The following SMARCD1 variants were observed in gnomAD, a reference collection of about 807,000 sequenced individuals.
SMARCD1 encodes SWI/SNF related BAF chromatin remodeling complex subunit D1, also known as SWI/SNF-related matrix-associated actin-dependent regulator of chromatin subfamily D member 1.
A neutral mutation model predicts 70.8 loss-of-function variants in SMARCD1; 16 were observed. The observed-to-expected ratio is 0.23, with a 90% CI of 0.15 to 0.34. SMARCD1 has a LOEUF of 0.34. SMARCD1 is among the 10% of genes least tolerant of loss of function. The pLI is 1.00. For missense variants in SMARCD1, 409 were observed against 655.5 expected (o/e 0.62, Z 4.11); for synonymous variants, 249 against 246.0 (o/e 1.01, Z -0.11).
In SMARCD1 at chr12:50,092,235, C is replaced by CTTTTTTT. The variant is rs60619880; in HGVS notation, c.1133+1661_1133+1667dup. Among the ~76,000 whole-genome samples, 219 of 91,140 alleles carry CTTTTTTT rather than the reference C, an allele frequency of 2.4e-3. 1 individual carries two copies. Among genetic ancestry groups the CTTTTTTT allele is most frequent in the African/African-American group, 4.2e-3 (95 of 22,614 alleles). 59.8% of individuals were successfully genotyped at this position (91,140 alleles called of 152,430 possible). A position where few individuals can be genotyped will look rare whatever the true frequency, so the allele number is the denominator to read the frequency against. On this transcript the variant is annotated intron_variant, in intron 9 of 12. Coordinates refer to ENST00000394963, the MANE Select transcript of SMARCD1 (RefSeq NM_003076.5). ...TTCTTTTCTTTTCTTTTCTTTCTTTCTTTTTTTTTTTTTTTTTTTTTTGAG... is the reference window on the plus strand; with the variant it reads ...TTCTTTTCTTTTCTTTTCTTTCTTTCTTTTTTTTTTTTTTTTTTTTTTTTTTTTTGAG...
Position 50,088,605 on chromosome 12 carries a change from G to C in SMARCD1, c.739G>C (p.Asp247His). Residue 247 changes from aspartate to histidine, a missense_variant, in exon 6 of 13, where the codon GAC becomes CAC. By Grantham distance (81) the Asp-to-His change is moderately conservative (BLOSUM62 -1). Coordinates refer to ENST00000394963, the MANE Select transcript of SMARCD1 (RefSeq NM_003076.5). ...FKSLVIELDK[D>H]LYGPDNHLVE... is the part of the protein sequence containing the mutation. ...GTCCTTGGTGATTGAACTGGACAAA[G>C]ACCTGTATGGGCCAGACAACCATCT... 1 of 1,607,988 alleles carries C rather than the reference G, an allele frequency of 6.2e-7. No homozygotes were observed. The highest frequency in any genetic ancestry group is 8.5e-7 in the Non-Finnish European group (1 of 1,175,110).
At chr12:50,086,421 C>A in intron 2 of SMARCD1, 73 bp downstream of exon 2, 1 of 1,365,380 alleles carries the variant, frequency 7.3e-7, no homozygotes. Context: ...GTACCTGAAC[C>A]AAGAAGTGGT....
intron 10 of SMARCD1, 23 bp from the exon 11 acceptor site, chr12:50,096,827 A>G (rs1431515744): frequency 2.5e-6 from 4 of 1,589,236 alleles, no homozygotes; most frequent in East Asian, 2.3e-5. Context: ...TGAAAATGGT[A>G]TGAGCTTCGT....
intron 11 of SMARCD1, among the ~76,000 whole-genome samples, chr12:50,098,088 G>A (rs989691553): frequency 3.3e-5 from 5 of 152,068 alleles, no homozygotes; most frequent in Admixed American, 6.5e-5. Flanking sequence ...GAACTCATCC[G>A]TTGTCACCCC....
chr12:50,090,415 C>T lies in SMARCD1; in HGVS notation c.1035+13C>T. On this transcript the variant is annotated intron_variant, in intron 8 of 12. Transcript: ENST00000394963. The stretch of plus-strand genomic sequence containing the variant: ...GTACCTGCAGCAGGTAAGTAATGGA[C>T]CCATTCTTTTGCTAGAATCCATTAG... 1 of 1,613,532 alleles carries T rather than the reference C, an allele frequency of 6.2e-7. No homozygotes were observed. The highest frequency in any genetic ancestry group is 8.5e-7 in the Non-Finnish European group (1 of 1,179,584).
At position 50,099,552 on chromosome 12, in the gene SMARCD1, C is replaced by T. The variant is rs1326677880; in HGVS notation, c.*552C>T. 6 of 383,130 alleles carry T rather than the reference C, an allele frequency of 1.6e-5. No homozygotes were observed. Among genetic ancestry groups the T allele is most frequent in the Non-Finnish European group, 2.8e-5 (6 of 216,366 alleles). 23.7% of individuals were successfully genotyped at this position (383,130 alleles called of 1,614,324 possible). A position where few individuals can be genotyped will look rare whatever the true frequency, so the allele number is the denominator to read the frequency against. ...CTACAGAAACCCTGGTTCTTGGGCT[C>T]CACTGAGCCCCAGGTCAGTCCCCAG... is the stretch of plus-strand genomic sequence containing the variant. On this transcript the variant is annotated 3_prime_UTR_variant, in exon 13 of 13. Transcript: ENST00000394963.
At chr12:50,088,706 T>A in intron 6 of SMARCD1, 69 bp downstream of exon 6, 1 of 852,616 alleles carries the variant, frequency 1.2e-6, no homozygotes. Flanking sequence ...CGTATTTTAA[T>A]GTCTAAGGAG....
intron 8 of SMARCD1, 37 bp from the exon 9 acceptor site, chr12:50,090,456 C>G: frequency 3.1e-6 from 5 of 1,612,942 alleles, no homozygotes; most frequent in Non-Finnish European, 4.2e-6. Context: ...TAGTTATGCT[C>G]AAACTGCTAA....
chr12:50,090,680 A>G (rs978368076), intron 9 of SMARCD1, 90 bp downstream of exon 9: 59 of 879,758 alleles, frequency 6.7e-5, no homozygotes, highest in Non-Finnish European at 1.0e-4. Context: ...GAATTTTGCA[A>G]ACAGGTTGTT....
In SMARCD1 at chr12:50,090,289, C is replaced by T; in HGVS notation, c.922C>T (p.His308Tyr). Residue 308 changes from histidine (H) to tyrosine (Y), a missense_variant, in exon 8 of 13, where the codon CAT becomes TAT. Transcript: ENST00000394963. ...DPRLARLLGIHTQTRPVIIQA... is the reference protein window; with the variant it reads ...DPRLARLLGIYTQTRPVIIQA... ...CCGCCTAGCTCGACTCCTGGGCATC[C>T]ATACCCAGACTCGTCCAGTGATCAT... 1 of 1,614,136 alleles carries T rather than the reference C, an allele frequency of 6.2e-7. No homozygotes were observed. Among genetic ancestry groups the T allele is most frequent in the African/African-American group, 1.3e-5 (1 of 75,032 alleles).
chr12:50,094,660 A>G, intron 10 of SMARCD1, 88 bp downstream of exon 10: 1 of 1,271,598 alleles, frequency 7.9e-7, no homozygotes, highest in South Asian at 1.3e-5. Flanking sequence ...TTCATTCAAA[A>G]TACGGTGACA....
intron 9 of SMARCD1, among the ~76,000 whole-genome samples, chr12:50,092,904 G>T (rs950823494): frequency 6.6e-6 from 1 of 151,998 alleles, no homozygotes; most frequent in Non-Finnish European, 1.5e-5. Context: ...TTGGCTGGGC[G>T]CAGTGGCTCA....
At chr12:50,088,709 C>G in intron 6 of SMARCD1, 72 bp downstream of exon 6, 2 of 820,754 alleles carry the variant, frequency 2.4e-6, no homozygotes, top group Non-Finnish European at 4.1e-6. Flanking sequence ...ATTTTAATGT[C>G]TAAGGAGATG....
chr12:50,087,515 C>A, intron 5 of SMARCD1, 30 bp downstream of exon 5: 2 of 1,610,914 alleles, frequency 1.2e-6, no homozygotes, highest in South Asian at 2.2e-5. Flanking sequence ...TGGTTGGCAT[C>A]TAGGGTGGGA....
At chr12:50,094,303 T>G (rs917866591) in intron 9 of SMARCD1, 134 bp from the exon 10 acceptor site, 1 of 801,866 alleles carries the variant, frequency 1.2e-6, no homozygotes, top group African/African-American at 1.7e-5. Context: ...AGAACATTTC[T>G]GTCACACCCG....
Position 50,100,097 on chromosome 12 carries a change from CAGGT to C in SMARCD1, c.*1100_*1103del, listed in dbSNP as rs1950926669. 1 of 152,736 alleles carries C rather than the reference CAGGT, an allele frequency of 6.5e-6. No homozygotes were observed. Among genetic ancestry groups the C allele is most frequent in the Non-Finnish European group, 1.5e-5 (1 of 68,134 alleles). The allele number at this position is 152,736 out of a possible 1,614,324, so 9.5% of individuals were successfully genotyped here. ...CCTGCCCTCAAAGCTTCAGACCCCT[CAGGT>C]AGCAGCAGGACCTTGTGATCTTGGC... On this transcript the variant is annotated 3_prime_UTR_variant, in exon 13 of 13. Coordinates refer to ENST00000394963, the MANE Select transcript of SMARCD1 (RefSeq NM_003076.5).
intron 1 of SMARCD1, chr12:50,085,878 T>C (rs1565737443): frequency 7.6e-6 from 3 of 392,262 alleles, no homozygotes; most frequent in Admixed American, 8.6e-5. Flanking sequence ...GAGGTCAGCT[T>C]CTAAAGAGAT....
At chr12:50,095,995 T>C (rs1196177143) in intron 10 of SMARCD1, among the ~76,000 whole-genome samples, 3 of 152,170 alleles carry the variant, frequency 2.0e-5, no homozygotes, top group African/African-American at 7.2e-5. Flanking sequence ...AATGATCACT[T>C]GCAGGAAGGT....
intron 9 of SMARCD1, 69 bp downstream of exon 9, chr12:50,090,659 C>T: frequency 8.4e-7 from 1 of 1,192,882 alleles, no homozygotes. Context: ...AGCCAGTTGT[C>T]AAATTTTCAG....
Sources: gnomAD v4.1 joint callset for allele counts (sites outside exome capture counted in the v4.1 genomes callset) on GRCh38, gnomAD v4.1.1 for gene constraint, MANE v1.5 for transcripts, NCBI Gene and HGNC (gene_info 2026-07-23, HGNC 2026-07-21) for gene names.